Variants in TENM4 observed in about 807,000 individuals in gnomAD.
The protein encoded by TENM4 is teneurin-4.
In TENM4, 82 loss-of-function variants were observed where a neutral mutation model predicts 243.3. The observed-to-expected ratio is 0.34, with a 90% CI of 0.28 to 0.40. TENM4 has a LOEUF of 0.40. TENM4 is among the 10% of genes least tolerant of loss of function. The pLI is 1.00. For missense variants in TENM4, 3,138 were observed against 3,673.3 expected, an observed-to-expected ratio of 0.85 and a Z score of 3.77; for synonymous variants, 1,412 against 1,456.3, an observed-to-expected ratio of 0.97 and a Z score of 0.69.
At chr11:78,717,462 T>G (rs964341986) in intron 25 of TENM4, among the ~76,000 whole-genome samples, 1 of 152,124 alleles carries the variant, frequency 6.6e-6, no homozygotes, top group Admixed American at 6.5e-5. Flanking sequence ...CAGTCAAGGG[T>G]TCAAATACCA....
At chr11:78,961,982 C>T (rs967509246) in intron 6 of TENM4, among the ~76,000 whole-genome samples, 7 of 152,146 alleles carry the variant, frequency 4.6e-5, no homozygotes, top group Non-Finnish European at 1.0e-4. Flanking sequence ...GGGGCAAGAG[C>T]GGGGCTGCCT....
At chr11:79,106,165 C>T (rs900799802) in intron 4 of TENM4, among the ~76,000 whole-genome samples, 2 of 152,210 alleles carry the variant, frequency 1.3e-5, no homozygotes, top group Non-Finnish European at 1.5e-5. Flanking sequence ...ACATTATTTG[C>T]TCCAAGTCAC....
intron 3 of TENM4, among the ~76,000 whole-genome samples, chr11:79,169,489 C>A (rs735479): frequency 0.18 from 27,749 of 152,158 alleles, 3,175 homozygotes; most frequent in Non-Finnish European, 0.25. Flanking sequence ...CCTCTTCCCC[C>A]AAGCTGCCTC....
chr11:78,686,132 C>T (rs1858663234), intron 29 of TENM4, among the ~76,000 whole-genome samples: 1 of 152,178 alleles, frequency 6.6e-6, no homozygotes, highest in Non-Finnish European at 1.5e-5. Context: ...GAGTGCTGCA[C>T]AGAGAGGCCA....
chr11:78,959,845 A>G (rs1181851093), intron 6 of TENM4, among the ~76,000 whole-genome samples: 1 of 152,182 alleles, frequency 6.6e-6, no homozygotes, highest in Admixed American at 6.5e-5. Flanking sequence ...ACTAATTTGC[A>G]AAGGAAGAGA....
chr11:79,226,957 C>T (rs1234236298), intron 2 of TENM4, among the ~76,000 whole-genome samples: 2 of 152,154 alleles, frequency 1.3e-5, no homozygotes, highest in African/African-American at 4.8e-5. Flanking sequence ...CTATTTGCTC[C>T]CAGATCCACT....
chr11:78,692,057 G>C (rs920112908), intron 28 of TENM4, among the ~76,000 whole-genome samples: 3 of 152,144 alleles, frequency 2.0e-5, no homozygotes, highest in Non-Finnish European at 4.4e-5. Flanking sequence ...ACAAAGAGCA[G>C]GGACCTGGAA....
chr11:79,375,613 T>A (rs1489493489), intron 1 of TENM4, among the ~76,000 whole-genome samples: 3 of 152,220 alleles, frequency 2.0e-5, no homozygotes, highest in African/African-American at 7.2e-5. Flanking sequence ...ACTCAACATA[T>A]ATCTAACACA....
At chr11:79,339,436 A>G (rs1373129456) in intron 1 of TENM4, among the ~76,000 whole-genome samples, 4 of 152,178 alleles carry the variant, frequency 2.6e-5, no homozygotes, top group African/African-American at 9.6e-5. Flanking sequence ...GCAGTTCTGC[A>G]TCCTTCTTTA....
chr11:79,300,243 CT>C (rs2135397329), intron 1 of TENM4, among the ~76,000 whole-genome samples: 1 of 152,216 alleles, frequency 6.6e-6, no homozygotes, highest in South Asian at 2.1e-4. Flanking sequence ...TCCTTTTAAG[CT>C]TTTTTGTATG....
intron 3 of TENM4, among the ~76,000 whole-genome samples, chr11:79,164,617 TC>T (rs1222315709): frequency 1.4e-5 from 2 of 138,850 alleles, no homozygotes; most frequent in African/African-American, 2.8e-5. Flanking sequence ...TTTGGCTGTG[TC>T]CCCACCCAAA....
intron 1 of TENM4, among the ~76,000 whole-genome samples, chr11:79,361,082 G>A (rs956468598): frequency 2.0e-5 from 3 of 152,160 alleles, no homozygotes; most frequent in African/African-American, 7.2e-5. Context: ...CAGATGTCAG[G>A]TCCAGATGAT....
chr11:78,764,669 C>T (rs1475870083), intron 18 of TENM4, among the ~76,000 whole-genome samples: 1 of 152,202 alleles, frequency 6.6e-6, no homozygotes, highest in Non-Finnish European at 1.5e-5. Flanking sequence ...GGGAACATGC[C>T]TGTTAACGTT....
chr11:78,842,916 G>A (rs1437649657), intron 12 of TENM4, among the ~76,000 whole-genome samples: 1 of 152,210 alleles, frequency 6.6e-6, no homozygotes, highest in Admixed American at 6.5e-5. Context: ...GCTCATGCCT[G>A]TAATCCCAGC....
chr11:78,935,415 T>G (rs2136436668), intron 6 of TENM4, among the ~76,000 whole-genome samples: 1 of 152,350 alleles, frequency 6.6e-6, no homozygotes, highest in Non-Finnish European at 1.5e-5. Context: ...TTCCTTGTAC[T>G]CCAATAACTT....
At chr11:79,285,055 T>C (rs1451899345) in intron 2 of TENM4, among the ~76,000 whole-genome samples, 1 of 151,996 alleles carries the variant, frequency 6.6e-6, no homozygotes, top group African/African-American at 2.4e-5. Context: ...CTGGCCAACA[T>C]GGTGAAACCC....
chr11:78,844,787 T>G (rs183681810), intron 12 of TENM4, among the ~76,000 whole-genome samples: 42 of 152,206 alleles, frequency 2.8e-4, no homozygotes, highest in African/African-American at 1.0e-3. Flanking sequence ...ACCCTGCCAG[T>G]ACCTTGATCT....
intron 18 of TENM4, among the ~76,000 whole-genome samples, chr11:78,761,455 G>A (rs1856429341): frequency 6.6e-6 from 1 of 151,996 alleles, no homozygotes; most frequent in Admixed American, 6.5e-5. Context: ...TAGCCAGGAT[G>A]GTCTCGATCT....
chr11:79,093,441 C>T (rs943495299), intron 4 of TENM4: 7 of 152,212 alleles, frequency 4.6e-5, no homozygotes, highest in African/African-American at 1.4e-4. Flanking sequence ...AGCAACTTTC[C>T]CTTTCTACTT....
Sources: gnomAD v4.1 joint callset for allele counts (sites outside exome capture counted in the v4.1 genomes callset) on GRCh38, gnomAD v4.1.1 for gene constraint, MANE v1.5 for transcripts, NCBI Gene and HGNC (gene_info 2026-07-23, HGNC 2026-07-21) for gene names.